Variants in AMOT observed in about 807,000 individuals in gnomAD.
The protein encoded by AMOT is angiomotin.
A neutral mutation model predicts 67.0 loss-of-function variants in AMOT; 11 were observed. The observed-to-expected ratio is 0.16, with a 90% CI of 0.10 to 0.27. AMOT has a LOEUF of 0.27. Ranked by LOEUF, AMOT falls within the 10% of genes least tolerant of loss-of-function variation. The pLI is 1.00. For missense variants in AMOT, 753 were observed against 852.0 expected, an observed-to-expected ratio of 0.88 and a Z score of 1.45; for synonymous variants, 326 against 321.4, an observed-to-expected ratio of 1.01 and a Z score of -0.15.
intron 6 of AMOT, among the ~76,000 whole-genome samples, chrX:112,810,829 T>G (rs192578997): frequency 8.9e-6 from 1 of 111,922 alleles, no homozygotes; most frequent in Admixed American, 9.4e-5. Flanking sequence ...TCTTCAATAT[T>G]ATCAGGTGAA....
intron 8 of AMOT, among the ~76,000 whole-genome samples, chrX:112,797,460 C>T (rs1462129686): frequency 2.7e-5 from 3 of 111,483 alleles, no homozygotes; most frequent in Non-Finnish European, 5.7e-5. Flanking sequence ...GCTGCTATAA[C>T]AGACTTCCTG....
chrX:112,819,220 G>A, intron 4 of AMOT: 2 of 303,617 alleles, frequency 6.6e-6, no homozygotes, highest in Non-Finnish European at 8.8e-6. Flanking sequence ...ACATGTGCAT[G>A]CACACACACA....
In AMOT at chrX:112,830,219, G is replaced by T. The variant is rs138922003; in HGVS notation, c.-212+2075C>A. Reference sequence around the variant, plus strand: ...GTGTATTTGGGTTTTTACAAGCAATGAATTATTAATAAGATGTAATTTTGG... The same window carrying T: ...GTGTATTTGGGTTTTTACAAGCAATTAATTATTAATAAGATGTAATTTTGG... On this transcript the variant is annotated intron_variant, in intron 2 of 13. Coordinates refer to ENST00000371959, the MANE Select transcript of AMOT (RefSeq NM_001113490.2). Among the ~76,000 whole-genome samples, 38 of 111,658 alleles carry T rather than the reference G, an allele frequency of 3.4e-4. No homozygotes were observed. In the East Asian group the frequency reaches 9.0e-3, roughly 26 times the overall value.
intron 8 of AMOT, among the ~76,000 whole-genome samples, chrX:112,800,162 C>T (rs900736022): frequency 9.0e-5 from 10 of 110,787 alleles, no homozygotes; most frequent in Admixed American, 6.8e-4. Context: ...ACCCGGGAGG[C>T]AGAGGTTGCA....
intron 1 of AMOT, among the ~76,000 whole-genome samples, chrX:112,835,586 CTTTTT>C (rs141494395): frequency 4.3e-5 from 4 of 92,409 alleles, no homozygotes; most frequent in Admixed American, 1.2e-4. Context: ...TCCATCAAAT[CTTTTT>C]TTTTTTTTTT....
intron 4 of AMOT, among the ~76,000 whole-genome samples, chrX:112,816,432 G>A (rs1240354860): frequency 9.0e-6 from 1 of 111,119 alleles, no homozygotes; most frequent in East Asian, 2.8e-4. Flanking sequence ...AACTATTCAA[G>A]GATTGGTAGA....
At chrX:112,799,274 T>A (rs2147795840) in intron 8 of AMOT, among the ~76,000 whole-genome samples, 1 of 112,404 alleles carries the variant, frequency 8.9e-6, no homozygotes, top group Non-Finnish European at 1.9e-5. Flanking sequence ...TATCTGTAAA[T>A]ATTTTTAATG....
rs199875649 is a variant in AMOT at position 112,797,892 on chromosome X, GAA to G, written c.1777-5913_1777-5912del. On this transcript the variant is annotated intron_variant, in intron 8 of 13. Coordinates refer to ENST00000371959, the MANE Select transcript of AMOT (RefSeq NM_001113490.2). The stretch of plus-strand genomic sequence containing the variant: ...AGAAATAGAAAGAAAGAGAGAGAGA[GAA>G]AGAGAGAAAGAAAGAAAGAAAGAAA... Among the ~76,000 whole-genome samples the G allele has an allele frequency of 3.7e-3, 397 of 108,613 alleles. 1 individual carries two copies. The highest frequency in any genetic ancestry group is 0.013 in the African/African-American group (381 of 29,869). 94.3% of individuals were successfully genotyped at this position (108,613 alleles called of 115,157 possible). A position where few individuals can be genotyped will look rare whatever the true frequency, so the allele number is the denominator to read the frequency against.
chrX:112,806,358 C>CAT (rs1556214952), intron 7 of AMOT, among the ~76,000 whole-genome samples: 1 of 97,023 alleles, frequency 1.0e-5, no homozygotes, highest in African/African-American at 4.0e-5. Context: ...ATGTATAAAA[C>CAT]GTGTGTGTAT....
intron 8 of AMOT, among the ~76,000 whole-genome samples, chrX:112,792,967 A>G (rs1205165851): frequency 1.1e-5 from 1 of 88,265 alleles, no homozygotes; most frequent in Non-Finnish European, 2.2e-5. Flanking sequence ...AGCTCTTTAA[A>G]GAAGATATAT....
intron 2 of AMOT, among the ~76,000 whole-genome samples, chrX:112,826,490 A>G (rs1934844934): frequency 8.9e-6 from 1 of 112,332 alleles, no homozygotes; most frequent in South Asian, 3.7e-4. Context: ...AAGCAAAATC[A>G]TCTCAAATCT....
chrX:112,815,898 G>C, intron 4 of AMOT, 21 bp from the exon 5 acceptor site: 1 of 1,154,543 alleles, frequency 8.7e-7, no homozygotes, highest in Non-Finnish European at 1.2e-6. Flanking sequence ...TGAAGGGCAG[G>C]TGCGGGTTAA....
intron 2 of AMOT, among the ~76,000 whole-genome samples, chrX:112,831,226 C>T (rs774684826): frequency 4.5e-5 from 5 of 110,112 alleles, no homozygotes; most frequent in Admixed American, 9.8e-5. Context: ...GCATTCCTTC[C>T]GTGACTTCTT....
chrX:112,823,689 C>T (rs1165569423), intron 3 of AMOT, among the ~76,000 whole-genome samples: 1 of 112,137 alleles, frequency 8.9e-6, no homozygotes, highest in African/African-American at 3.2e-5. Context: ...GTGAAGAGAG[C>T]TTGGCTTGCA....
At chrX:112,820,483 A>G (rs192543808) in intron 4 of AMOT, among the ~76,000 whole-genome samples, 6 of 111,846 alleles carry the variant, frequency 5.4e-5, no homozygotes, top group East Asian at 2.8e-4. Context: ...ATAATTTTCC[A>G]TCTAGCTTCA....
chrX:112,819,514 T>G, intron 4 of AMOT: 1 of 436,445 alleles, frequency 2.3e-6, no homozygotes, highest in African/African-American at 2.6e-5. Context: ...ATTTCAACAA[T>G]TGAAAGGAGG....
At position 112,779,042 on chromosome X, in the gene AMOT, G is replaced by A. The variant is rs747924574; in HGVS notation, c.3112C>T (p.His1038Tyr). Residue 1038 changes from histidine (H) to tyrosine (Y), a missense_variant, in exon 13 of 14, where the codon CAT (histidine) becomes TAT (tyrosine). Physicochemically the swap from His to Tyr is moderately conservative, Grantham distance 83 (BLOSUM62 2). Transcript: ENST00000371959. ...GTCAAACTTGGTATAGACAAACGAT[G>A]TGGTCCAGGACCGGTAGCTGGACTT... Reference protein sequence around the residue: ...PASPATGPGPHRLSIPSLTCN... With the variant: ...PASPATGPGPYRLSIPSLTCN... The A allele has an allele frequency of 1.6e-5, 19 of 1,209,397 alleles. No homozygotes were observed. Among genetic ancestry groups the A allele is most frequent in the Admixed American group, 1.1e-4 (5 of 45,717 alleles).
At chrX:112,786,765 T>C (rs922458455) in intron 10 of AMOT, among the ~76,000 whole-genome samples, 6 of 112,411 alleles carry the variant, frequency 5.3e-5, no homozygotes, top group African/African-American at 1.9e-4. Flanking sequence ...TGCCATTTAG[T>C]AGCTGTGTGT....
intron 13 of AMOT, 77 bp from the exon 14 acceptor site, chrX:112,778,741 G>T: frequency 1.1e-6 from 1 of 951,484 alleles, no homozygotes. Flanking sequence ...CACCATCAGA[G>T]CCCTCATGAA....
Sources: gnomAD v4.1 joint callset for allele counts (sites outside exome capture counted in the v4.1 genomes callset) on GRCh38, gnomAD v4.1.1 for gene constraint, MANE v1.5 for transcripts, NCBI Gene and HGNC (gene_info 2026-07-23, HGNC 2026-07-21) for gene names.